The following SH3TC1 variants were observed in gnomAD, a reference collection of about 807,000 sequenced individuals.
The protein encoded by SH3TC1 is SH3 domain and tetratricopeptide repeat-containing protein 1.
SH3TC1 carries 135 observed loss-of-function variants against 117.3 expected under a neutral mutation model. That is an observed-to-expected ratio of 1.15 (90% CI 1.00 to 1.33). The LOEUF (loss-of-function observed/expected upper bound fraction) is 1.33. SH3TC1 is among the 40% of genes most tolerant of loss of function. The pLI, the probability that SH3TC1 is intolerant of heterozygous loss-of-function variation, is 0.00. For synonymous variants in SH3TC1, 898 were observed against 816.9 expected (o/e 1.10, Z -1.69); for missense variants, 2,092 against 1,794.3 (o/e 1.17, Z -3.00).
chr4:8,212,908 C>T, intron 4 of SH3TC1, 80 bp downstream of exon 4: 1 of 1,468,640 alleles, frequency 6.8e-7, no homozygotes, highest in South Asian at 1.4e-5. Context: ...GTGTCTGAGA[C>T]TGGGGACACA....
intron 6 of SH3TC1, 89 bp downstream of exon 6, chr4:8,216,346 G>T (rs1719271364): frequency 1.3e-6 from 2 of 1,521,380 alleles, no homozygotes; most frequent in African/African-American, 1.4e-5. Context: ...GCTGTGCTGA[G>T]CATGTCTGGG....
upstream of SH3TC1, among the ~76,000 whole-genome samples, chr4:8,194,343 A>G (rs1717498650): frequency 6.6e-6 from 1 of 152,162 alleles, no homozygotes; most frequent in African/African-American, 2.4e-5. Context: ...TCACAGAAAA[A>G]GTCTGAAGGC....
Position 8,209,790 on chromosome 4 carries a change from C to A in SH3TC1, c.215C>A (p.Thr72Asn), listed in dbSNP as rs760241202. 4 of 1,613,596 alleles carry A rather than the reference C, an allele frequency of 2.5e-6. No homozygotes were observed. In the East Asian group the frequency reaches 6.7e-5, roughly 27 times the overall value. Residue 72 changes from threonine (T) to asparagine (N), a missense_variant, in exon 3 of 18, where the codon ACC (threonine) becomes AAC (asparagine). Transcript: ENST00000245105. The surrounding 1 kb of genome is among the most constrained non-coding windows in gnomAD (Gnocchi z 5.9). ...CGCGTGGCTGGGCCTGCTGCTGGGA[C>A]CCCTCCCTGCCAGATGGGGGTTTAT... ...PARVAGPAAG[T>N]PPCQMGVYPT...
At position 8,186,143 on chromosome 4, in the gene SH3TC1, G is replaced by A. The variant is rs1469027904; in HGVS notation, c.-57+3933G>A. Among the ~76,000 whole-genome samples the A allele has an allele frequency of 2.6e-5, 4 of 152,190 alleles. No individual in the cohort carries two copies. The highest frequency in any genetic ancestry group is 7.2e-5 in the African/African-American group (3 of 41,442). ...TGAAGTGGAGGTCAGCTTCTCAAGC[G>A]GGGTTTAATTAACAGCAGCTGCTGG... On this transcript the variant is annotated intron_variant, in intron 1 of 16. Coordinates refer to the SH3TC1 transcript ENST00000508641. This position sits in a 1 kb window ranked among gnomAD's most constrained non-coding sequence, Gnocchi z 5.2.
rs778915096 is a variant in SH3TC1, at chr4:8,209,642, A to G, written c.173-106A>G. On this transcript the variant is annotated intron_variant, in intron 2 of 17. Coordinates refer to ENST00000245105, the MANE Select transcript of SH3TC1 (RefSeq NM_018986.5). This position sits in a 1 kb window ranked among gnomAD's most constrained non-coding sequence, Gnocchi z 5.9. ...GTGGGAAAGGCGGCTCGTGCGGGAC[A>G]GAACTCACCTCTTTTCTTGCAGAGA... 1.3e-6 allele frequency: 2 copies of G among 1,555,774 alleles called. No homozygotes were observed. The highest frequency in any genetic ancestry group is 2.4e-5 in the South Asian group (2 of 85,004).
chr4:8,217,456 A>G (rs1027942854), intron 7 of SH3TC1, among the ~76,000 whole-genome samples: 39 of 152,236 alleles, frequency 2.6e-4, no homozygotes, highest in African/African-American at 8.9e-4. Flanking sequence ...GGCTCATCCG[A>G]AAAGCTTTTG....
chr4:8,213,767 G>C (rs1718958632), intron 4 of SH3TC1, among the ~76,000 whole-genome samples: 1 of 152,012 alleles, frequency 6.6e-6, no homozygotes, highest in African/African-American at 2.4e-5. Context: ...AGGCGTGATG[G>C]TGTGCACCTG....
rs752951965 is a variant in SH3TC1 at position 8,206,581 on chromosome 4, G to A, written c.172+1215G>A. On this transcript the variant is annotated intron_variant, in intron 2 of 17. Coordinates refer to ENST00000245105, the MANE Select transcript of SH3TC1 (RefSeq NM_018986.5). The surrounding 1 kb of genome is among the most constrained non-coding windows in gnomAD (Gnocchi z 5.5). ...TCCTCCGGAGGCTCAGCAAAGCACC[G>A]TGGCATCGCCTCTCCCTGGAGTGAA... Among the ~76,000 whole-genome samples the A allele has an allele frequency of 3.3e-5, 5 of 152,270 alleles. No individual in the cohort carries two copies. Among genetic ancestry groups the A allele is most frequent in the East Asian group, 3.9e-4 (2 of 5,152 alleles).
chr4:8,216,230 A>G lies in SH3TC1; in HGVS notation c.601A>G (p.Thr201Ala), dbSNP rs374629121. The change falls in exon 6 of 18, where the codon ACC becomes GCC. Residue 201 changes from threonine (T) to alanine (A), a missense_variant. Thr to Ala is a moderately conservative substitution (Grantham distance 58). Coordinates refer to ENST00000245105, the MANE Select transcript of SH3TC1 (RefSeq NM_018986.5). ...VHVDENALRLTHESLLIQEGP... is the reference protein window; with the variant it reads ...VHVDENALRLAHESLLIQEGP... Reference sequence around the variant, plus strand: ...TGTGGATGAGAACGCCTTAAGGCTGACCCACGAGAGCCTCCTCATCCAAGA... The same window carrying G: ...TGTGGATGAGAACGCCTTAAGGCTGGCCCACGAGAGCCTCCTCATCCAAGA... 3.7e-6 allele frequency: 6 copies of G among 1,613,656 alleles called. No homozygotes were observed. Among genetic ancestry groups the G allele is most frequent in the South Asian group, 1.1e-5 (1 of 91,032 alleles).
chr4:8,232,674 G>T, intron 13 of SH3TC1: 1 of 1,291,728 alleles, frequency 7.7e-7, no homozygotes, highest in South Asian at 1.2e-5. Context: ...TGACCTGGTG[G>T]GGTAACCATG....
chr4:8,228,745 G>A (rs1017804414), intron 12 of SH3TC1, 101 bp downstream of exon 12: 5 of 1,037,030 alleles, frequency 4.8e-6, no homozygotes, highest in Middle Eastern at 3.2e-4. Flanking sequence ...TTCCACCATC[G>A]AAAGTGCTGA....
upstream of SH3TC1, among the ~76,000 whole-genome samples, chr4:8,194,376 C>T (rs1293500303): frequency 2.0e-5 from 3 of 152,170 alleles, no homozygotes; most frequent in African/African-American, 4.8e-5. Flanking sequence ...CCCAGGCCAT[C>T]GTGGCCATGC....
At chr4:8,187,586 T>C (rs2152974049) in intron 1 of SH3TC1, among the ~76,000 whole-genome samples, 1 of 151,086 alleles carries the variant, frequency 6.6e-6, no homozygotes, top group East Asian at 1.9e-4. Flanking sequence ...GGAGTCTTGC[T>C]CTATCACCAG....
At chr4:8,218,480 G>T in intron 8 of SH3TC1, 133 bp downstream of exon 8, 1 of 601,962 alleles carries the variant, frequency 1.7e-6, no homozygotes, top group South Asian at 2.8e-5. Context: ...AGTAATTGTG[G>T]TTTTTGTTAT....
intron 14 of SH3TC1, among the ~76,000 whole-genome samples, chr4:8,234,389 T>C (rs1210981524): frequency 6.6e-6 from 1 of 151,858 alleles, no homozygotes; most frequent in Non-Finnish European, 1.5e-5. Context: ...CATCTATCCA[T>C]CCATATGTAC....
intron 1 of SH3TC1, among the ~76,000 whole-genome samples, chr4:8,204,297 G>T (rs1439548305): frequency 6.6e-6 from 1 of 152,200 alleles, no homozygotes; most frequent in African/African-American, 2.4e-5. Context: ...TGCGGGGCAC[G>T]CTGGGCTTAT....
intron 14 of SH3TC1, among the ~76,000 whole-genome samples, chr4:8,234,164 CCAT>C (rs1269801680): frequency 2.8e-5 from 2 of 72,318 alleles, no homozygotes; most frequent in Admixed American, 2.6e-4. Context: ...ATCCATCCTT[CCAT>C]CATCCATCCA....
intron 10 of SH3TC1, 179 bp from the exon 11 acceptor site, chr4:8,224,996 T>C (rs2152990190): frequency 1.4e-6 from 1 of 700,198 alleles, no homozygotes. Context: ...CACCTCAGCC[T>C]GCAACACCTG....
rs1017282403 is a variant in SH3TC1 at position 8,225,007 on chromosome 4, C to T, written c.1244-168C>T. 3.5e-5 allele frequency: 27 copies of T among 766,338 alleles called. No individual in the cohort carries two copies. Among genetic ancestry groups the T allele is most frequent in the Non-Finnish European group, 2.4e-5 (11 of 466,376 alleles). The allele number at this position is 766,338 out of a possible 1,614,324, so 47.5% of individuals were successfully genotyped here. A position where few individuals can be genotyped will look rare whatever the true frequency, so the allele number is the denominator to read the frequency against. On this transcript the variant is annotated intron_variant, in intron 10 of 17. Transcript: ENST00000245105. The surrounding 1 kb of genome is among the most constrained non-coding windows in gnomAD (Gnocchi z 5.5). ...GCAACACCTCAGCCTGCAACACCTG[C>T]ACCCTGCAACACTCCAGCCCGCAAC...
Sources: allele counts gnomAD v4.1 joint callset (sites outside exome capture counted in the v4.1 genomes callset), GRCh38; gene constraint gnomAD v4.1.1; non-coding constraint Gnocchi (gnomAD v3.1); transcripts MANE v1.5; gene names NCBI Gene and HGNC (gene_info 2026-07-23, HGNC 2026-07-21).